LENG8: variants seen among roughly 807,000 people sequenced by gnomAD.
LENG8 encodes leukocyte receptor cluster (LRC) member 8.
Under a neutral mutation model 102.1 loss-of-function variants are expected in LENG8, and 28 were observed. That is an observed-to-expected ratio of 0.27 (90% CI 0.20 to 0.38). The LOEUF (loss-of-function observed/expected upper bound fraction) is 0.38, where lower values mean the gene tolerates loss of function less well. LENG8 is among the 10% of genes least tolerant of loss of function. The pLI is 1.00. For synonymous variants in LENG8, 531 were observed against 456.7 expected, an observed-to-expected ratio of 1.16 and a Z score of -2.07; for missense variants, 1,022 against 1,113.9, an observed-to-expected ratio of 0.92 and a Z score of 1.17.
In LENG8 at chr19:54,454,942, C is replaced by T. The variant is rs764599268; in HGVS notation, c.680-9C>T. The T allele has an allele frequency of 3.1e-6, 5 of 1,614,026 alleles. No individual in the cohort carries two copies. The Admixed American group carries it at 6.7e-5, about 22-fold the overall frequency. Reference sequence around the variant, plus strand: ...AAGGGCCTAACCATAGCTTTCGCTGCCCTCACAGCCGCCCCTGGGACTGGA... The same window carrying T: ...AAGGGCCTAACCATAGCTTTCGCTGTCCTCACAGCCGCCCCTGGGACTGGA... On this transcript the variant is annotated splice_polypyrimidine_tract_variant and intron_variant, in intron 6 of 15. Coordinates refer to ENST00000326764, the MANE Select transcript of LENG8 (RefSeq NM_052925.4).
At chr19:54,458,817 C>A in intron 15 of LENG8, 1 of 1,551,056 alleles carries the variant, frequency 6.4e-7, no homozygotes, top group Non-Finnish European at 8.7e-7. Flanking sequence ...TTCTCTCCTG[C>A]CTGGACCCCC....
Position 54,458,641 on chromosome 19 carries a change from G to T in LENG8, c.2240+120G>T, listed in dbSNP as rs766085662. On this transcript the variant is annotated intron_variant, in intron 15 of 15. Transcript: ENST00000326764. ...GCCCCCAACCCTTGTCCTGGTCCTT[G>T]CTTCCCCATCATCTTTCTCCATTCA... 6 of 1,557,822 alleles carry T rather than the reference G, an allele frequency of 3.9e-6. No homozygotes were observed. In the South Asian group the frequency reaches 5.9e-5, roughly 15 times the overall value.
rs2084268334 is a variant in LENG8 at position 54,456,708 on chromosome 19, G to C, written c.1518G>C (p.Glu506Asp). The change falls in exon 11 of 16, where the codon GAG becomes GAC. Residue 506 changes from glutamate (E) to aspartate (D), a missense_variant. Glu to Asp is a conservative substitution (Grantham distance 45). Coordinates refer to ENST00000326764, the MANE Select transcript of LENG8 (RefSeq NM_052925.4). ...TGGAGTGTGAGGACCCGGAGCGAGA[G>C]CTGAAGAAGCAGAAGCGGGCAGCCC... ...AALECEDPER[E>D]LKKQKRAARF... 6.2e-7 allele frequency: 1 copy of C among 1,613,222 alleles called. No individual in the cohort carries two copies. The highest frequency in any genetic ancestry group is 1.3e-5 in the African/African-American group (1 of 74,914).
intron 8 of LENG8, 90 bp downstream of exon 8, chr19:54,455,657 AC>A: frequency 8.3e-7 from 1 of 1,199,616 alleles, no homozygotes; most frequent in Non-Finnish European, 1.2e-6. Flanking sequence ...GGTCCCAGGT[AC>A]CAGGAGCTCC....
rs549374451 is a variant in LENG8 at position 54,457,590 on chromosome 19, C to T, written c.1732-157C>T. On this transcript the variant is annotated intron_variant, in intron 11 of 15. Coordinates refer to ENST00000326764, the MANE Select transcript of LENG8 (RefSeq NM_052925.4). ...TCCTGACCTCAGATGATCCACACAC[C>T]TCGGCCTCCCAAAGTGCTGGGATTA... Among the ~76,000 whole-genome samples, 5 of 152,278 alleles carry T rather than the reference C, an allele frequency of 3.3e-5. No homozygotes were observed. The East Asian group carries it at 9.6e-4, about 29-fold the overall frequency.
rs146454838 is a variant in LENG8 at position 54,457,951 on chromosome 19, C to G, written c.1851C>G (p.Thr617=). ...RQDLTVQGIR[T]EFTVEVYETH... ...TGCCCCAGGTGCAGGGCATCCGCAC[C>G]GAGTTCACGGTGGAGGTGTACGAGA... Residue 617 remains threonine (T), a synonymous_variant, in exon 13 of 16, where the codon ACC becomes ACG. Coordinates refer to ENST00000326764, the MANE Select transcript of LENG8 (RefSeq NM_052925.4). 6.2e-7 allele frequency: 1 copy of G among 1,613,928 alleles called. No individual in the cohort carries two copies. The highest frequency in any genetic ancestry group is 1.1e-5 in the South Asian group (1 of 91,086).
rs556652786 is a variant in LENG8 at position 54,451,651 on chromosome 19, G to A, written c.38+269G>A. 2.0e-5 allele frequency among the ~76,000 whole-genome samples: 3 copies of A among 152,258 alleles called. No homozygotes were observed. The East Asian group carries it at 5.8e-4, about 29-fold the overall frequency. ...GATTCATTCAAGCAAGTGTAATTAG[G>A]AGGCAGCTTCCCAACACTCAATACA... is the stretch of plus-strand genomic sequence containing the variant. On this transcript the variant is annotated intron_variant, in intron 2 of 15. Transcript: ENST00000326764.
chr19:54,460,157 A>G (rs1244433246), intron 15 of LENG8: 1 of 1,289,736 alleles, frequency 7.8e-7, no homozygotes, highest in Non-Finnish European at 1.0e-6. Context: ...GGGTTCTAGG[A>G]CTTAGTGCCC....
At position 54,452,635 on chromosome 19, in the gene LENG8, G is replaced by A; in HGVS notation, c.214-16G>A. 1 of 1,179,656 alleles carries A rather than the reference G, an allele frequency of 8.5e-7. No individual in the cohort carries two copies. Among genetic ancestry groups the A allele is most frequent in the Middle Eastern group, 2.1e-4 (1 of 4,832 alleles). The allele number at this position is 1,179,656 out of a possible 1,614,324, so 73.1% of individuals were successfully genotyped here. A position where few individuals can be genotyped will look rare whatever the true frequency, so the allele number is the denominator to read the frequency against. On this transcript the variant is annotated splice_polypyrimidine_tract_variant and intron_variant, in intron 3 of 15. Transcript: ENST00000326764. ...GATTTGGGCTGCTGACGGCACATGT[G>A]CCTCTGCTTCCACAGTACGTGTCCC...
intron 5 of LENG8, among the ~76,000 whole-genome samples, chr19:54,454,142 G>A (rs534655233): frequency 1.2e-4 from 18 of 152,250 alleles, no homozygotes; most frequent in East Asian, 3.9e-4. Context: ...GTGTGTTGTC[G>A]GTGGCTGTTA....
chr19:54,456,091 A>T lies in LENG8; in HGVS notation c.1150A>T (p.Thr384Ser). The T allele has an allele frequency of 6.2e-7, 1 of 1,608,718 alleles. No homozygotes were observed. Among genetic ancestry groups the T allele is most frequent in the Non-Finnish European group, 8.5e-7 (1 of 1,176,762 alleles). The change falls in exon 9 of 16, where the codon ACG (threonine) becomes TCG (serine). Residue 384 changes from threonine to serine, a missense_variant. Thr to Ser is a moderately conservative substitution (Grantham distance 58, BLOSUM62 1). This residue lies in a region of LENG8 where 326 missense variants were observed against 324.5 expected (regional missense o/e 1.00). Coordinates refer to ENST00000326764, the MANE Select transcript of LENG8 (RefSeq NM_052925.4). ...RGGGAPSQRG[T>S]PGAGGAGRAR... is the part of the protein sequence containing the mutation. ...CGGGGGTGCCCCGTCCCAGCGAGGG[A>T]CGCCCGGGGCTGGGGGTGCCGGTCG... is the stretch of plus-strand genomic sequence containing the variant.
chr19:54,452,545 A>G (rs1291320699), intron 3 of LENG8, 106 bp from the exon 4 acceptor site: 11 of 923,316 alleles, frequency 1.2e-5, no homozygotes, highest in South Asian at 1.1e-4. Context: ...ACATGGACCC[A>G]GTTTCATCCC....
intron 5 of LENG8, among the ~76,000 whole-genome samples, chr19:54,453,929 T>C (rs1038918757): frequency 2.6e-5 from 4 of 152,144 alleles, no homozygotes; most frequent in African/African-American, 9.7e-5. Context: ...GGGTTTTGCA[T>C]TGAATGTGCA....
At chr19:54,455,331 C>A (rs749556747) in intron 7 of LENG8, 33 bp from the exon 8 acceptor site, 3 of 1,609,868 alleles carry the variant, frequency 1.9e-6, no homozygotes, top group Non-Finnish European at 2.6e-6. Context: ...TTGGGATCGT[C>A]TCCAGCTGAG....
chr19:54,451,996 T>C, intron 2 of LENG8, 97 bp from the exon 3 acceptor site: 1 of 1,131,072 alleles, frequency 8.8e-7, no homozygotes, highest in South Asian at 1.4e-5. Context: ...TAGTAACAGT[T>C]AGATATGGGA....
intron 15 of LENG8, 117 bp downstream of exon 15, chr19:54,458,638 C>G (rs1663269056): frequency 6.4e-7 from 1 of 1,558,806 alleles, no homozygotes; most frequent in Admixed American, 1.9e-5. Context: ...TGTCCTGGTC[C>G]TTGCTTCCCC....
At chr19:54,459,944 T>G in intron 15 of LENG8, 1 of 1,205,788 alleles carries the variant, frequency 8.3e-7, no homozygotes. Context: ...GCGAGTGTCC[T>G]TGTTAATTGA....
At chr19:54,459,192 C>T in intron 15 of LENG8, 1 of 1,149,256 alleles carries the variant, frequency 8.7e-7, no homozygotes, top group South Asian at 3.3e-5. Flanking sequence ...GAGGTTTTCG[C>T]TTGTCACAGC....
Position 54,458,533 on chromosome 19 carries a change from C to T in LENG8, c.2240+12C>T. 2.5e-6 allele frequency: 4 copies of T among 1,614,094 alleles called. No homozygotes were observed. The highest frequency in any genetic ancestry group is 1.1e-5 in the South Asian group (1 of 91,090). Reference sequence around the variant, plus strand: ...GCCATGATCAAAACGTATGTGGTGCCAAGCTCCCTTCTGCCTTTGCTCTTC... The same window carrying T: ...GCCATGATCAAAACGTATGTGGTGCTAAGCTCCCTTCTGCCTTTGCTCTTC... On this transcript the variant is annotated intron_variant, in intron 15 of 15. Transcript: ENST00000326764.
Sources: gnomAD v4.1 joint callset for allele counts (sites outside exome capture counted in the v4.1 genomes callset) on GRCh38, gnomAD v4.1.1 for gene constraint, gnomAD v4.1.1 regional missense constraint, MANE v1.5 for transcripts, NCBI Gene and HGNC (gene_info 2026-07-23, HGNC 2026-07-21) for gene names.